TP63: variants seen among roughly 807,000 people sequenced by gnomAD.
TP63 encodes the protein tumor protein 63.
In TP63, 17 loss-of-function variants were observed where a neutral mutation model predicts 82.8. That is an observed-to-expected ratio of 0.21 (90% CI 0.14 to 0.31). TP63 has a LOEUF of 0.31. Among genes scored for constraint, TP63 ranks in the 10% least tolerant of loss-of-function variants. TP63 has a pLI of 1.00. For synonymous variants in TP63, 330 were observed against 321.7 expected (o/e 1.03, Z -0.28); for missense variants, 648 against 895.3 (o/e 0.72, Z 3.52).
At chr3:189,849,293 C>G (rs1194780839) in intron 4 of TP63, among the ~76,000 whole-genome samples, 1 of 152,168 alleles carries the variant, frequency 6.6e-6, no homozygotes, top group Admixed American at 6.5e-5. Context: ...AAATTGGGGT[C>G]ATGGAAAACC....
chr3:189,858,403 C>CA (rs1160961471), intron 4 of TP63, among the ~76,000 whole-genome samples: 139 of 2,854 alleles, frequency 0.049, 43 homozygotes, highest in Non-Finnish European at 0.075. Context: ...GACTCCGTCT[C>CA]AAAAAAAAAA....
chr3:189,771,360 TATA>T (rs1723354274), intron 3 of TP63, among the ~76,000 whole-genome samples: 1 of 135,934 alleles, frequency 7.4e-6, no homozygotes, highest in Admixed American at 8.0e-5. Flanking sequence ...ATATTAAATA[TATA>T]ATATATTCAA....
chr3:189,729,514 G>A (rs942278448), intron 1 of TP63, among the ~76,000 whole-genome samples: 1 of 152,132 alleles, frequency 6.6e-6, no homozygotes, highest in African/African-American at 2.4e-5. Context: ...AGTTTTTTAA[G>A]AATATTGGTT....
chr3:189,744,031 T>C (rs1265114546), intron 3 of TP63, among the ~76,000 whole-genome samples: 1 of 152,080 alleles, frequency 6.6e-6, no homozygotes, highest in Admixed American at 6.5e-5. Flanking sequence ...CATGACACCA[T>C]TTCAAAAACC....
chr3:189,809,243 G>A (rs1469436084), intron 4 of TP63, among the ~76,000 whole-genome samples: 4 of 152,038 alleles, frequency 2.6e-5, no homozygotes, highest in Admixed American at 6.5e-5. Flanking sequence ...AGTTTTCTAA[G>A]GAAGCATGGA....
intron 1 of TP63, among the ~76,000 whole-genome samples, chr3:189,642,374 C>G (rs1472889259): frequency 6.6e-6 from 1 of 152,146 alleles, no homozygotes; most frequent in East Asian, 1.9e-4. Flanking sequence ...GTTCCAAGCA[C>G]TTTACACATT....
intron 1 of TP63, among the ~76,000 whole-genome samples, chr3:189,660,704 T>A (rs1713800134): frequency 6.6e-6 from 1 of 151,638 alleles, no homozygotes; most frequent in Non-Finnish European, 1.5e-5. Flanking sequence ...GCATGGAATG[T>A]TTTTTTTCAT....
chr3:189,657,478 TAG>T (rs1421463074), intron 1 of TP63, among the ~76,000 whole-genome samples: 2 of 152,042 alleles, frequency 1.3e-5, no homozygotes, highest in Non-Finnish European at 2.9e-5. Flanking sequence ...TAGAAATAAA[TAG>T]AGACTATAAA....
At chr3:189,736,762 C>G (rs1720624367) in intron 1 of TP63, among the ~76,000 whole-genome samples, 1 of 149,270 alleles carries the variant, frequency 6.7e-6, no homozygotes, top group African/African-American at 2.5e-5. Context: ...TATTACTAGA[C>G]CAGAACACAT....
intron 10 of TP63, among the ~76,000 whole-genome samples, chr3:189,879,169 A>G (rs189877357): frequency 1.3e-5 from 2 of 152,298 alleles, no homozygotes; most frequent in Non-Finnish European, 1.5e-5. Context: ...GATGATATCA[A>G]TTCTTGCCGG....
intron 1 of TP63, among the ~76,000 whole-genome samples, chr3:189,704,852 T>A (rs1718083730): frequency 6.6e-6 from 1 of 152,154 alleles, no homozygotes; most frequent in Non-Finnish European, 1.5e-5. Flanking sequence ...AAAACATGAA[T>A]AAAATAGGCT....
At chr3:189,635,433 T>C (rs1222815980) in intron 1 of TP63, among the ~76,000 whole-genome samples, 1 of 152,104 alleles carries the variant, frequency 6.6e-6, no homozygotes, top group Non-Finnish European at 1.5e-5. Context: ...GCTCTTTTTC[T>C]TTCTCATTCT....
intron 1 of TP63, among the ~76,000 whole-genome samples, chr3:189,655,706 T>C (rs1713291142): frequency 6.6e-6 from 1 of 152,176 alleles, no homozygotes; most frequent in East Asian, 1.9e-4. Flanking sequence ...CATAAAGTGG[T>C]AAGAACACTT....
chr3:189,706,872 A>G (rs1340435795), intron 1 of TP63, among the ~76,000 whole-genome samples: 3 of 152,098 alleles, frequency 2.0e-5, no homozygotes, highest in African/African-American at 4.8e-5. Flanking sequence ...GGAGAGTCCA[A>G]ATAGACAATC....
At chr3:189,768,915 G>C (rs1723139289) in intron 3 of TP63, among the ~76,000 whole-genome samples, 1 of 152,174 alleles carries the variant, frequency 6.6e-6, no homozygotes, top group Non-Finnish European at 1.5e-5. Context: ...GATGACCAGA[G>C]AAGATTCAAT....
chr3:189,801,836 T>C (rs577691880), intron 3 of TP63, among the ~76,000 whole-genome samples: 98 of 152,328 alleles, frequency 6.4e-4, no homozygotes, highest in African/African-American at 2.3e-3. Context: ...AATACTTTAT[T>C]CTTATATTTT....
chr3:189,894,513 G>C lies in TP63; in HGVS notation c.*11G>C, dbSNP rs762345161. On this transcript the variant is annotated 3_prime_UTR_variant, in exon 14 of 14. Coordinates refer to ENST00000264731, the MANE Select transcript of TP63 (RefSeq NM_003722.5). ...GAGGAGGGGGAGTGAGCCTCACCAT[G>C]TGAGCTCTTCCTATCCCTCTCCTAA... The C allele has an allele frequency of 4.3e-6, 7 of 1,612,300 alleles. No individual in the cohort carries two copies. In the South Asian group the frequency reaches 7.7e-5, roughly 18 times the overall value.
the TP63 span, among the ~76,000 whole-genome samples, chr3:189,613,726 G>T: frequency 2.6e-5 from 4 of 152,308 alleles, no homozygotes; most frequent in Non-Finnish European, 5.9e-5. Flanking sequence ...GGGTGGAGCT[G>T]CCCAAGACCA....
chr3:189,883,062 G>A (rs1420025564), intron 10 of TP63, among the ~76,000 whole-genome samples: 2 of 152,118 alleles, frequency 1.3e-5, no homozygotes, highest in Non-Finnish European at 2.9e-5. Flanking sequence ...AGAGGAGAGT[G>A]TAGGCAAGAA....
Sources: gnomAD v4.1 joint callset for allele counts (sites outside exome capture counted in the v4.1 genomes callset) on GRCh38, gnomAD v4.1.1 for gene constraint, MANE v1.5 for transcripts, NCBI Gene and HGNC (gene_info 2026-07-23, HGNC 2026-07-21) for gene names.